FMNL2: variants seen among roughly 807,000 people sequenced by gnomAD.
The protein encoded by FMNL2 is formin like 2, also known as formin-like protein 2.
A neutral mutation model predicts 130.2 loss-of-function variants in FMNL2; 51 were observed. The observed-to-expected ratio is 0.39, with a 90% CI of 0.31 to 0.49. The LOEUF is 0.49. FMNL2 is among the 20% of genes least tolerant of loss of function. The pLI is 0.85. For synonymous variants in FMNL2, 465 were observed against 467.1 expected (o/e 1.00, Z 0.06); for missense variants, 977 against 1,316.2 (o/e 0.74, Z 3.99).
chr2:152,609,124 G>A (rs934260035), intron 10 of FMNL2, among the ~76,000 whole-genome samples: 33 of 152,214 alleles, frequency 2.2e-4, no homozygotes, highest in African/African-American at 7.7e-4. Flanking sequence ...ATTATATAAA[G>A]CCCTTTAAAA....
chr2:152,441,491 A>G (rs1332276051), intron 1 of FMNL2, among the ~76,000 whole-genome samples: 1 of 152,008 alleles, frequency 6.6e-6, no homozygotes, highest in African/African-American at 2.4e-5. Context: ...GGCTATAATC[A>G]TGCCACTGCA....
chr2:152,595,164 AT>A (rs1224074368), intron 9 of FMNL2, among the ~76,000 whole-genome samples: 22 of 152,202 alleles, frequency 1.4e-4, no homozygotes, highest in Admixed American at 9.8e-4. Context: ...ACAACACTGA[AT>A]TTTTCATTTC....
At chr2:152,379,790 G>A (rs1411421670) in intron 1 of FMNL2, among the ~76,000 whole-genome samples, 1 of 152,106 alleles carries the variant, frequency 6.6e-6, no homozygotes, top group Admixed American at 6.5e-5. Context: ...TAAATGCTTG[G>A]GAGATTATAA....
At chr2:152,581,622 C>T (rs1696786619) in intron 9 of FMNL2, among the ~76,000 whole-genome samples, 1 of 151,940 alleles carries the variant, frequency 6.6e-6, no homozygotes, top group African/African-American at 2.4e-5. Context: ...CGTATCCAAA[C>T]ATCACCGCCG....
chr2:152,598,002 C>T (rs547035992), intron 9 of FMNL2, among the ~76,000 whole-genome samples: 1 of 152,336 alleles, frequency 6.6e-6, no homozygotes, highest in South Asian at 2.1e-4. Context: ...GATATTTGGT[C>T]TATCCAAGAG....
At chr2:152,506,384 A>G (rs992578151) in intron 1 of FMNL2, among the ~76,000 whole-genome samples, 2 of 152,196 alleles carry the variant, frequency 1.3e-5, no homozygotes, top group African/African-American at 4.8e-5. Flanking sequence ...CCTAAAACCT[A>G]TGCATATCCT....
intron 2 of FMNL2, among the ~76,000 whole-genome samples, chr2:152,527,827 A>G (rs759479739): frequency 6.6e-6 from 1 of 152,254 alleles, no homozygotes; most frequent in Middle Eastern, 3.4e-3. Context: ...ATGGTATGAA[A>G]CATATCTTCT....
chr2:152,520,275 G>T (rs1458452344), intron 1 of FMNL2, among the ~76,000 whole-genome samples: 1 of 142,660 alleles, frequency 7.0e-6, no homozygotes, highest in Non-Finnish European at 1.6e-5. Flanking sequence ...GTAATTGTCA[G>T]CTTTGAGGGG....
chr2:152,629,563 C>G, intron 18 of FMNL2, 93 bp from the exon 19 acceptor site: 1 of 1,142,854 alleles, frequency 8.8e-7, no homozygotes, highest in Non-Finnish European at 1.3e-6. Context: ...AAATGCAGGC[C>G]TGTTTTCTTC....
At chr2:152,462,698 A>T (rs962633654) in intron 1 of FMNL2, among the ~76,000 whole-genome samples, 1 of 152,206 alleles carries the variant, frequency 6.6e-6, no homozygotes, top group African/African-American at 2.4e-5. Context: ...TACCCTGTGC[A>T]TTAGATGGGG....
chr2:152,348,820 T>C (rs1682285755), intron 1 of FMNL2, among the ~76,000 whole-genome samples: 6 of 30,742 alleles, frequency 2.0e-4, no homozygotes, highest in Admixed American at 1.2e-3. Context: ...TTCTAAGGGT[T>C]TTTTTTTTTT....
chr2:152,579,386 A>G (rs1323961596), intron 8 of FMNL2, among the ~76,000 whole-genome samples: 1 of 152,182 alleles, frequency 6.6e-6, no homozygotes, highest in Non-Finnish European at 1.5e-5. Flanking sequence ...AGCTTTAATT[A>G]CTGAACGAAA....
At position 152,481,798 on chromosome 2, in the gene FMNL2, C is replaced by T. The variant is rs904887065; in HGVS notation, c.118-40145C>T. ...GTCATGTTTGCAGCGTTATTTATCT[C>T]CTATTTTCAACGTACTTTGGGGCCA... On this transcript the variant is annotated intron_variant, in intron 1 of 25. Coordinates refer to ENST00000288670, the MANE Select transcript of FMNL2 (RefSeq NM_052905.4). 3.8e-4 allele frequency among the ~76,000 whole-genome samples: 58 copies of T among 152,194 alleles called. 1 individual carries two copies. Among genetic ancestry groups the T allele is most frequent in the Admixed American group, 3.7e-3 (57 of 15,288 alleles).
chr2:152,479,583 T>C (rs1294452604), intron 1 of FMNL2, among the ~76,000 whole-genome samples: 1 of 152,196 alleles, frequency 6.6e-6, no homozygotes, highest in Admixed American at 6.5e-5. Context: ...CATTAGCACC[T>C]CGACTTTGAT....
intron 6 of FMNL2, among the ~76,000 whole-genome samples, chr2:152,574,041 G>T (rs1696327422): frequency 6.8e-6 from 1 of 146,632 alleles, no homozygotes; most frequent in African/African-American, 2.8e-5. Context: ...AATAATGACA[G>T]GGACATTTTA....
intron 9 of FMNL2, 22 bp from the exon 10 acceptor site, chr2:152,607,317 A>G: frequency 6.2e-7 from 1 of 1,608,198 alleles, no homozygotes; most frequent in Non-Finnish European, 8.5e-7. Context: ...AGTCACATGC[A>G]CAATGAAAAT....
At chr2:152,335,761 C>A in intron 1 of FMNL2, 41 bp downstream of exon 1, 2 of 1,433,522 alleles carry the variant, frequency 1.4e-6, no homozygotes, top group Admixed American at 2.6e-5. Flanking sequence ...ACCCGGGGCC[C>A]CGGGCCGGGC....
At chr2:152,335,942 G>T (rs1681395397) in intron 1 of FMNL2, among the ~76,000 whole-genome samples, 1 of 151,830 alleles carries the variant, frequency 6.6e-6, no homozygotes, top group Non-Finnish European at 1.5e-5. Context: ...TGGGGGCTCA[G>T]GGCCGGCTGC....
At chr2:152,640,172 T>C (rs1242705021) in intron 24 of FMNL2, 116 bp downstream of exon 24, 3 of 781,874 alleles carry the variant, frequency 3.8e-6, no homozygotes, top group African/African-American at 1.8e-5. Flanking sequence ...GACCACTTCC[T>C]TCTGGTGCCT....
Sources: gnomAD v4.1 joint callset for allele counts (sites outside exome capture counted in the v4.1 genomes callset) on GRCh38, gnomAD v4.1.1 for gene constraint, MANE v1.5 for transcripts, NCBI Gene and HGNC (gene_info 2026-07-23, HGNC 2026-07-21) for gene names.